MTOR: variants seen among roughly 807,000 people sequenced by gnomAD.
The protein encoded by MTOR is serine/threonine-protein kinase mTOR.
MTOR carries 70 observed loss-of-function variants against 319.8 expected under a neutral mutation model. The ratio of observed to expected loss-of-function variants is 0.22; its 90% CI spans 0.18 to 0.27. The LOEUF is 0.27. Among genes scored for constraint, MTOR ranks in the 10% least tolerant of loss-of-function variants. MTOR has a pLI of 1.00. For missense variants in MTOR, 1,890 were observed against 3,274.4 expected, an observed-to-expected ratio of 0.58 and a Z score of 10.32; for synonymous variants, 1,183 against 1,211.4, an observed-to-expected ratio of 0.98 and a Z score of 0.49.
intron 6 of MTOR, among the ~76,000 whole-genome samples, chr1:11,250,238 C>A (rs1162848670): frequency 1.5e-5 from 2 of 130,342 alleles, no homozygotes; most frequent in African/African-American, 2.9e-5. Context: ...CCCCCCACCT[C>A]CCTCCCGGAC....
rs564133184 is a variant in MTOR, at chr1:11,246,047, C to T, written c.1225+1578G>A. On this transcript the variant is annotated intron_variant, in intron 8 of 57. Transcript: ENST00000361445. The stretch of plus-strand genomic sequence containing the variant: ...AGCTTATAACATTGAGAAGTTTAAG[C>T]AATAACTTCCAAACTGCAAGCTTTA... Among the ~76,000 whole-genome samples the T allele has an allele frequency of 9.2e-5, 14 of 152,234 alleles. No homozygotes were observed. The East Asian group carries it at 1.9e-3, about 21-fold the overall frequency.
chr1:11,242,682 A>G (rs1317082089), intron 9 of MTOR, among the ~76,000 whole-genome samples: 2 of 152,164 alleles, frequency 1.3e-5, no homozygotes, highest in African/African-American at 4.8e-5. Context: ...GGGTTTTCTC[A>G]TATTTTATTC....
Position 11,163,540 on chromosome 1 carries a change from A to T in MTOR, c.4329+3902T>A, listed in dbSNP as rs949252953. The stretch of plus-strand genomic sequence containing the variant: ...TTGACCACATAGTTGGAAGTAAAGC[A>T]CTCCTCAGCAAATGTAAAAGAACAG... On this transcript the variant is annotated intron_variant, in intron 29 of 57. Coordinates refer to ENST00000361445, the MANE Select transcript of MTOR (RefSeq NM_004958.4). Among the ~76,000 whole-genome samples, 95 of 151,116 alleles carry T rather than the reference A, an allele frequency of 6.3e-4. 1 individual carries two copies. Among genetic ancestry groups the T allele is most frequent in the African/African-American group, 2.2e-3 (90 of 41,176 alleles).
At chr1:11,185,913 G>A (rs1645304483) in intron 28 of MTOR, among the ~76,000 whole-genome samples, 2 of 151,622 alleles carry the variant, frequency 1.3e-5, no homozygotes, top group Admixed American at 1.3e-4. Flanking sequence ...AACCCTGCCT[G>A]TACTAAAAAA....
Position 11,247,639 on chromosome 1 carries a change from G to A in MTOR, c.1211C>T (p.Pro404Leu), listed in dbSNP as rs781639537. The A allele has an allele frequency of 6.2e-7, 1 of 1,614,098 alleles. No homozygotes were observed. Among genetic ancestry groups the A allele is most frequent in the South Asian group, 1.1e-5 (1 of 91,076 alleles). The change falls in exon 8 of 58, where the codon CCT (proline) becomes CTT (leucine). Residue 404 changes from proline to leucine, a missense_variant. Physicochemically the swap from Pro to Leu is moderately conservative, Grantham distance 98. Transcript: ENST00000361445. The part of the protein sequence containing the change: ...NLLPRLAAFR[P>L]SAFTDTQYLQ... ...GACATCCTCACCTGTGAAGGCAGAA[G>A]GTCGGAATGCAGCCAAGCGGGGCAA...
intron 28 of MTOR, among the ~76,000 whole-genome samples, chr1:11,187,963 C>T (rs12122605): frequency 0.095 from 14,421 of 152,076 alleles, 1,139 homozygotes; most frequent in East Asian, 0.22. Context: ...CCTGATCCTC[C>T]ACTGCTTTTT....
intron 28 of MTOR, among the ~76,000 whole-genome samples, chr1:11,174,078 G>T (rs1223717220): frequency 6.6e-6 from 1 of 152,204 alleles, no homozygotes; most frequent in African/African-American, 2.4e-5. Context: ...ACAGGCTATT[G>T]CCTTCCCTTA....
At chr1:11,119,745 C>CA (rs925991572) in intron 49 of MTOR, among the ~76,000 whole-genome samples, 2,876 of 110,524 alleles carry the variant, frequency 0.026, 119 homozygotes, top group African/African-American at 0.087. Context: ...GACCTTGTCT[C>CA]AAAAAAAAAA....
intron 29 of MTOR, among the ~76,000 whole-genome samples, chr1:11,159,572 CAG>C (rs1644411868): frequency 6.6e-6 from 1 of 151,136 alleles, no homozygotes; most frequent in South Asian, 2.1e-4. Flanking sequence ...ACCCAGGAGA[CAG>C]AGGTTGCAGT....
At chr1:11,172,029 T>TC (rs1553181662) in intron 28 of MTOR, among the ~76,000 whole-genome samples, 1 of 123,210 alleles carries the variant, frequency 8.1e-6, no homozygotes, top group Non-Finnish European at 1.7e-5. Flanking sequence ...AAACTCCATC[T>TC]CAAAAAAAAA....
At chr1:11,189,817 C>T (rs1216546649) in intron 28 of MTOR, 1 of 1,614,188 alleles carries the variant, frequency 6.2e-7, no homozygotes, top group Non-Finnish European at 8.5e-7. Flanking sequence ...CGTGGTCATG[C>T]AGGTGATGGA....
chr1:11,235,532 C>T (rs1447782146), intron 13 of MTOR, among the ~76,000 whole-genome samples: 4 of 152,230 alleles, frequency 2.6e-5, no homozygotes, highest in East Asian at 3.9e-4. Context: ...AAAATGTACA[C>T]CTCAATTTGG....
chr1:11,170,572 A>T (rs4845979), intron 28 of MTOR, among the ~76,000 whole-genome samples: 150,062 of 151,836 alleles, frequency 0.99, 74,215 homozygotes, highest in Non-Finnish European at 1. Flanking sequence ...ATAATAATAA[A>T]AAAAAAGAAA....
intron 5 of MTOR, 111 bp from the exon 6 acceptor site, chr1:11,254,084 T>A: frequency 8.3e-7 from 1 of 1,209,830 alleles, no homozygotes. Flanking sequence ...GCCTGCTCAG[T>A]GCCTAGTGCC....
chr1:11,113,798 C>T (rs1642016172), intron 53 of MTOR, among the ~76,000 whole-genome samples: 1 of 151,896 alleles, frequency 6.6e-6, no homozygotes, highest in Non-Finnish European at 1.5e-5. Context: ...TGGCTGTGTC[C>T]CCACCCAAAA....
At chr1:11,134,506 G>C in intron 36 of MTOR, 40 bp from the exon 37 acceptor site, 2 of 1,584,668 alleles carry the variant, frequency 1.3e-6, no homozygotes, top group South Asian at 2.2e-5. Flanking sequence ...CTTGGCTTGT[G>C]GCCCAGCTTC....
intron 11 of MTOR, 143 bp downstream of exon 11, chr1:11,240,160 T>G: frequency 8.6e-7 from 1 of 1,164,784 alleles, no homozygotes; most frequent in South Asian, 2.0e-5. Flanking sequence ...GTGGAAAGAG[T>G]CTAGGAAGGA....
intron 29 of MTOR, among the ~76,000 whole-genome samples, chr1:11,159,161 A>G (rs948341547): frequency 2.0e-5 from 3 of 152,182 alleles, no homozygotes; most frequent in Admixed American, 1.3e-4. Context: ...CTCAATCAGC[A>G]CTTTCTGGGA....
At chr1:11,122,938 C>T (rs1642620775) in intron 47 of MTOR, among the ~76,000 whole-genome samples, 1 of 152,220 alleles carries the variant, frequency 6.6e-6, no homozygotes, top group Non-Finnish European at 1.5e-5. Context: ...ACACAGGTCT[C>T]CTCAACCTGC....
Sources: gnomAD v4.1 joint callset for allele counts (sites outside exome capture counted in the v4.1 genomes callset) on GRCh38, gnomAD v4.1.1 for gene constraint, MANE v1.5 for transcripts, NCBI Gene and HGNC (gene_info 2026-07-23, HGNC 2026-07-21) for gene names.